Variants in DPP6 observed in about 807,000 individuals in gnomAD.
The protein encoded by DPP6 is A-type potassium channel modulatory protein DPP6.
Under a neutral mutation model 122.6 loss-of-function variants are expected in DPP6, and 69 were observed. That is an observed-to-expected ratio of 0.56 (90% CI 0.46 to 0.69). The LOEUF (loss-of-function observed/expected upper bound fraction) is 0.69. DPP6 is among the 30% of genes least tolerant of loss of function. The pLI, the probability that DPP6 is intolerant of heterozygous loss-of-function variation, is 0.00. For synonymous variants in DPP6, 418 were observed against 433.1 expected (o/e 0.97, Z 0.43); for missense variants, 928 against 1,116.9 (o/e 0.83, Z 2.41).
chr7:154,721,114 T>C (rs1238120173), intron 7 of DPP6, among the ~76,000 whole-genome samples: 1 of 152,258 alleles, frequency 6.6e-6, no homozygotes, highest in Non-Finnish European at 1.5e-5. Context: ...GGCATCCTGA[T>C]TAAAGCTGTT....
intron 1 of DPP6, among the ~76,000 whole-genome samples, chr7:154,145,243 A>G (rs1796031555): frequency 6.6e-6 from 1 of 152,226 alleles, no homozygotes. Context: ...GGAGGCGACT[A>G]GAGAGACTTT....
intron 7 of DPP6, among the ~76,000 whole-genome samples, chr7:154,669,805 A>G (rs781069798): frequency 3.9e-4 from 59 of 152,046 alleles, no homozygotes; most frequent in Non-Finnish European, 1.5e-4. Flanking sequence ...TTTGTCATCT[A>G]AAGATGCTCT....
In DPP6 at chr7:154,795,859, A is replaced by G; in HGVS notation, c.1275A>G (p.Glu425=). The stretch of plus-strand genomic sequence containing the variant: ...TTTCATTTCAGAAACACGAGGATGA[A>G]AGTGAGGCCTGGCTCCACAGACAGG... ...TGVCTKKHED[E]SEAWLHRQNE... Residue 425 remains glutamate, a synonymous_variant, in exon 12 of 26, where the codon GAA becomes GAG. Transcript: ENST00000377770. The G allele has an allele frequency of 6.2e-7, 1 of 1,612,464 alleles. No homozygotes were observed. The highest frequency in any genetic ancestry group is 8.5e-7 in the Non-Finnish European group (1 of 1,179,336).
chr7:154,174,889 T>C (rs1264558883), intron 1 of DPP6, among the ~76,000 whole-genome samples: 1 of 150,532 alleles, frequency 6.6e-6, no homozygotes, highest in Non-Finnish European at 1.5e-5. Flanking sequence ...TTTTTTTTTT[T>C]GTTTTGAGAT....
At chr7:154,768,462 T>A (rs1796042439) in intron 8 of DPP6, among the ~76,000 whole-genome samples, 2 of 152,180 alleles carry the variant, frequency 1.3e-5, no homozygotes, top group Admixed American at 6.5e-5. Context: ...GACTCATGAA[T>A]TATATTAATC....
chr7:154,784,306 A>G (rs1797207579), intron 10 of DPP6, among the ~76,000 whole-genome samples: 1 of 152,124 alleles, frequency 6.6e-6, no homozygotes, highest in Non-Finnish European at 1.5e-5. Context: ...CCTCGGCCCC[A>G]GCTGTGCGGA....
intron 1 of DPP6, among the ~76,000 whole-genome samples, chr7:154,074,026 TGTATGTATGTATGTAA>T (rs1803328467): frequency 6.9e-5 from 9 of 130,250 alleles, no homozygotes; most frequent in South Asian, 2.4e-4. Flanking sequence ...TATGTATGTA[TGTATGTATGTATGTAA>T]GTATCTATCT....
chr7:154,116,129 A>G lies in DPP6; in HGVS notation c.243+63066A>G, dbSNP rs1292219221. Among the ~76,000 whole-genome samples the G allele has an allele frequency of 2.0e-5, 3 of 151,652 alleles. No individual in the cohort carries two copies. In the East Asian group the frequency reaches 5.8e-4, roughly 29 times the overall value. On this transcript the variant is annotated intron_variant, in intron 1 of 25. Transcript: ENST00000377770. The stretch of plus-strand genomic sequence containing the variant: ...ATGGTGTGCCTGTTAGGTAAGACAT[A>G]CACACTTTGGTTAGTTACTTGAATA...
intron 7 of DPP6, among the ~76,000 whole-genome samples, chr7:154,725,450 A>T (rs1312556727): frequency 6.6e-6 from 1 of 152,174 alleles, no homozygotes; most frequent in East Asian, 1.9e-4. Flanking sequence ...GGCACATCTT[A>T]CATGGGGGAG....
intron 1 of DPP6, among the ~76,000 whole-genome samples, chr7:153,953,974 T>A (rs1802339667): frequency 6.6e-6 from 1 of 152,198 alleles, no homozygotes; most frequent in Admixed American, 6.5e-5. Flanking sequence ...TTCCCAGAAG[T>A]CCTCAGTTTT....
chr7:154,234,265 G>C (rs149860822), intron 1 of DPP6, among the ~76,000 whole-genome samples: 129 of 152,284 alleles, frequency 8.5e-4, no homozygotes, highest in Non-Finnish European at 1.5e-3. Flanking sequence ...TTGTATAAGA[G>C]AATCCTGGGA....
At chr7:154,729,254 C>G (rs1842219346) in intron 8 of DPP6, among the ~76,000 whole-genome samples, 1 of 152,172 alleles carries the variant, frequency 6.6e-6, no homozygotes, top group Non-Finnish European at 1.5e-5. Flanking sequence ...ATAACTCACC[C>G]TGCTAGGCTG....
At chr7:154,737,356 A>G (rs942270607) in intron 8 of DPP6, among the ~76,000 whole-genome samples, 2 of 152,200 alleles carry the variant, frequency 1.3e-5, no homozygotes, top group African/African-American at 2.4e-5. Context: ...GCATTTGCCT[A>G]TTACCCGTGC....
chr7:153,873,609 G>A, the DPP6 span, among the ~76,000 whole-genome samples: 5 of 152,300 alleles, frequency 3.3e-5, no homozygotes, highest in East Asian at 5.8e-4. Context: ...GTTTATTCTC[G>A]ACAGGAAAGT....
chr7:154,387,905 T>G (rs896968717), intron 1 of DPP6, among the ~76,000 whole-genome samples: 1 of 151,314 alleles, frequency 6.6e-6, no homozygotes, highest in African/African-American at 2.4e-5. Context: ...ATCTCATGTG[T>G]CTGGAAGGTC....
At chr7:154,811,621 T>C (rs73500301) in intron 16 of DPP6, among the ~76,000 whole-genome samples, 2,083 of 152,316 alleles carry the variant, frequency 0.014, 43 homozygotes, top group African/African-American at 0.048. Context: ...TTTTGCAGCA[T>C]GTGAATCAGG....
chr7:154,381,270 G>A (rs1014293224), intron 1 of DPP6, among the ~76,000 whole-genome samples: 3 of 152,176 alleles, frequency 2.0e-5, no homozygotes, highest in African/African-American at 7.2e-5. Context: ...CGTCTGACTC[G>A]CCTTAGGGGG....
intron 8 of DPP6, among the ~76,000 whole-genome samples, chr7:154,753,272 C>T (rs753023947): frequency 6.6e-5 from 10 of 152,200 alleles, no homozygotes; most frequent in East Asian, 1.9e-4. Context: ...TGCTATTATA[C>T]GCTGGGGTAC....
chr7:153,907,636 T>C (rs1343745553), intron 1 of DPP6, among the ~76,000 whole-genome samples: 1 of 152,172 alleles, frequency 6.6e-6, no homozygotes, highest in Non-Finnish European at 1.5e-5. Context: ...CAGTGGGCCT[T>C]GTCCAATCAG....
Sources: allele counts gnomAD v4.1 joint callset (sites outside exome capture counted in the v4.1 genomes callset), GRCh38; gene constraint gnomAD v4.1.1; transcripts MANE v1.5; gene names NCBI Gene and HGNC (gene_info 2026-07-23, HGNC 2026-07-21).